Variants in RAB38 observed in about 807,000 individuals in gnomAD.
RAB38 encodes RAB38, member RAS oncogene family, also known as ras-related protein Rab-38.
A neutral mutation model predicts 18.4 loss-of-function variants in RAB38; 15 were observed. The ratio of observed to expected loss-of-function variants is 0.82; its 90% CI spans 0.55 to 1.26. The LOEUF is 1.26. RAB38 is among the 50% of genes most tolerant of loss of function. The probability of loss-of-function intolerance (pLI) is 0.00; values close to 1 mark genes in which losing one functional copy is unlikely to be tolerated. For synonymous variants in RAB38, 101 were observed against 104.4 expected (o/e 0.97, Z 0.20); for missense variants, 294 against 267.4 (o/e 1.10, Z -0.69).
At chr11:88,078,207 C>A in the RAB38 span, among the ~76,000 whole-genome samples, 1 of 151,898 alleles carries the variant, frequency 6.6e-6, no homozygotes, top group African/African-American at 2.4e-5. Context: ...CCTCATACAT[C>A]GTTGGTGGGG....
the RAB38 span, among the ~76,000 whole-genome samples, chr11:88,045,262 C>G: frequency 6.6e-6 from 1 of 152,168 alleles, no homozygotes; most frequent in Non-Finnish European, 1.5e-5. Context: ...CCAAACCCCA[C>G]AACAGGACTT....
the RAB38 span, among the ~76,000 whole-genome samples, chr11:87,859,826 C>A: frequency 6.6e-6 from 1 of 152,050 alleles, no homozygotes; most frequent in Admixed American, 6.6e-5. Context: ...CAGGTTCATT[C>A]ATGGTAGTGG....
chr11:87,862,554 T>C, the RAB38 span, among the ~76,000 whole-genome samples: 290 of 151,704 alleles, frequency 1.9e-3, 2 homozygotes, highest in Middle Eastern at 0.01. Context: ...AAACAACTAA[T>C]AGGTACTGGG....
At chr11:88,123,059 C>T (rs556033306) in intron 2 of RAB38, among the ~76,000 whole-genome samples, 17 of 152,298 alleles carry the variant, frequency 1.1e-4, no homozygotes, top group African/African-American at 3.9e-4. Context: ...AATACCTAAA[C>T]ATTACATAAT....
the RAB38 span, among the ~76,000 whole-genome samples, chr11:87,940,180 AGAG>A: frequency 1.5e-4 from 21 of 136,560 alleles, no homozygotes; most frequent in South Asian, 2.5e-4. Context: ...AAAAAAAAAA[AGAG>A]AGAGAGAGGG....
At chr11:88,085,276 T>C in the RAB38 span, among the ~76,000 whole-genome samples, 1 of 151,924 alleles carries the variant, frequency 6.6e-6, no homozygotes, top group South Asian at 2.1e-4. Context: ...CAAATCCAAC[T>C]GACAGCCATA....
intron 1 of RAB38, among the ~76,000 whole-genome samples, chr11:88,158,822 G>A (rs987860454): frequency 6.6e-6 from 1 of 151,902 alleles, no homozygotes; most frequent in African/African-American, 2.4e-5. Context: ...CACTAAAGAG[G>A]CAAAAAGTAG....
At chr11:87,923,726 C>T in the RAB38 span, among the ~76,000 whole-genome samples, 1 of 151,976 alleles carries the variant, frequency 6.6e-6, no homozygotes, top group Non-Finnish European at 1.5e-5. Context: ...GATAGCATTA[C>T]TAATCATCAC....
the RAB38 span, among the ~76,000 whole-genome samples, chr11:87,837,058 G>A: frequency 1.3e-5 from 2 of 152,172 alleles, no homozygotes; most frequent in African/African-American, 4.8e-5. Context: ...GTGAGCCATT[G>A]TGCAGAATAA....
the RAB38 span, among the ~76,000 whole-genome samples, chr11:88,089,765 A>G: frequency 6.6e-6 from 1 of 152,080 alleles, no homozygotes; most frequent in Admixed American, 6.5e-5. Context: ...CACATAAAAA[A>G]CGGCACATGA....
the RAB38 span, among the ~76,000 whole-genome samples, chr11:88,093,262 G>T: frequency 4.6e-3 from 701 of 151,920 alleles, 2 homozygotes; most frequent in Non-Finnish European, 7.2e-3. Flanking sequence ...GTTTACCTCT[G>T]ATCCAATCTG....
the RAB38 span, among the ~76,000 whole-genome samples, chr11:87,947,363 C>A: frequency 2.2e-5 from 3 of 138,462 alleles, no homozygotes; most frequent in Non-Finnish European, 3.1e-5. Context: ...ATGGTAGTTT[C>A]TTTTGCTGTG....
chr11:87,844,799 C>T, the RAB38 span, among the ~76,000 whole-genome samples: 13 of 152,206 alleles, frequency 8.5e-5, no homozygotes, highest in South Asian at 4.1e-4. Flanking sequence ...ACATAAACCC[C>T]GAGCAAATAT....
chr11:87,871,832 G>A, the RAB38 span, among the ~76,000 whole-genome samples: 1 of 151,364 alleles, frequency 6.6e-6, no homozygotes, highest in African/African-American at 2.4e-5. Flanking sequence ...CATGACTTCT[G>A]CGTAGCAATG....
the RAB38 span, chr11:87,880,088 G>A: frequency 6.6e-6 from 1 of 151,606 alleles, no homozygotes; most frequent in Admixed American, 6.6e-5. Context: ...TTTATTGAGG[G>A]ATTTCCATAG....
At chr11:88,052,917 T>TACATATATATATATATTTC in the RAB38 span, among the ~76,000 whole-genome samples, 1 of 14,030 alleles carries the variant, frequency 7.1e-5, no homozygotes, top group African/African-American at 1.7e-4. Flanking sequence ...TATATATATA[T>TACATATATATATATATTTC]ATATATATAT....
chr11:88,091,661 C>G, the RAB38 span, among the ~76,000 whole-genome samples: 19 of 151,970 alleles, frequency 1.3e-4, no homozygotes. Flanking sequence ...TATGGCCTTT[C>G]ATATGCTATC....
At chr11:87,913,214 G>A in the RAB38 span, among the ~76,000 whole-genome samples, 1 of 151,818 alleles carries the variant, frequency 6.6e-6, no homozygotes. Flanking sequence ...CGTTCAAGTT[G>A]GTTTATGTTT....
the RAB38 span, among the ~76,000 whole-genome samples, chr11:87,900,720 T>G: frequency 3.8e-4 from 47 of 123,600 alleles, no homozygotes; most frequent in African/African-American, 6.1e-4. Context: ...GGAAGAGAGG[T>G]AGGGAAGAAG....
Sources: allele counts gnomAD v4.1 joint callset (sites outside exome capture counted in the v4.1 genomes callset), GRCh38; gene constraint gnomAD v4.1.1; transcripts MANE v1.5; gene names NCBI Gene and HGNC (gene_info 2026-07-23, HGNC 2026-07-21).